Variants in DST observed in about 807,000 individuals in gnomAD.
DST encodes the protein dystonin, also known as bullous pemphigoid antigen.
DST carries 253 observed loss-of-function variants against 875.2 expected under a neutral mutation model. The observed-to-expected ratio is 0.29, with a 90% CI of 0.26 to 0.32. The LOEUF is 0.32. Among genes scored for constraint, DST ranks in the 10% least tolerant of loss-of-function variants. DST has a pLI of 1.00. For missense variants in DST, 8,287 were observed against 9,111.6 expected (o/e 0.91, Z 3.68); for synonymous variants, 3,124 against 3,197.1 (o/e 0.98, Z 0.77).
chr6:56,605,032 G>A lies in DST; in HGVS notation c.9596C>T (p.Pro3199Leu). Reference protein sequence around the residue: ...KNIKAKDVAKPNEDVPSHVLI... With the variant: ...KNIKAKDVAKLNEDVPSHVLI... Reference sequence around the variant, plus strand: ...AACATGGCTTGGGACATCTTCATTTGGTTTGGCTACATCTTTTGCTTTTAT... The same window carrying A: ...AACATGGCTTGGGACATCTTCATTTAGTTTGGCTACATCTTTTGCTTTTAT... Residue 3199 changes from proline to leucine, a missense_variant, in exon 40 of 104, where the codon CCA becomes CTA. By Grantham distance (98) the Pro-to-Leu change is moderately conservative. Around this residue, in one of 10 missense-constraint regions of DST, gnomAD observed 3,138 missense variants for 3,116.6 expected, o/e 1.01. Transcript: ENST00000680361. 6.2e-7 allele frequency: 1 copy of A among 1,612,696 alleles called. No individual in the cohort carries two copies. Among genetic ancestry groups the A allele is most frequent in the Non-Finnish European group, 8.5e-7 (1 of 1,179,256 alleles).
At chr6:56,936,729 G>C (rs1813195774) in intron 2 of DST, among the ~76,000 whole-genome samples, 1 of 151,772 alleles carries the variant, frequency 6.6e-6, no homozygotes, top group Admixed American at 6.6e-5. Context: ...AAACAAAAAG[G>C]GAATCCGAAA....
intron 4 of DST, among the ~76,000 whole-genome samples, chr6:56,787,894 T>G (rs1247782082): frequency 6.6e-6 from 1 of 151,986 alleles, no homozygotes; most frequent in Non-Finnish European, 1.5e-5. Context: ...ATCCCAGCAC[T>G]TTGGGAGGCC....
rs1351646087 is a variant in DST, at chr6:56,640,583, T to C, written c.2050A>G (p.Ile684Val). Residue 684 changes from isoleucine to valine, a missense_variant, in exon 18 of 104, where the codon ATT (isoleucine) becomes GTT (valine). Ile to Val is a conservative substitution (Grantham distance 29). This residue lies in a region of DST where 1,160 missense variants were observed against 1,424.3 expected (regional missense o/e 0.81). Coordinates refer to ENST00000680361, the MANE Select transcript of DST (RefSeq NM_001374736.1). Reference protein sequence around the residue: ...VQRVAKLRDEIMALRNECSSV... With the variant: ...VQRVAKLRDEVMALRNECSSV... Reference sequence around the variant, plus strand: ...GAACATTCGTTCCTTAAGGCCATAATTTCGTCACGCAGTTTTGCAACCCTG... The same window carrying C: ...GAACATTCGTTCCTTAAGGCCATAACTTCGTCACGCAGTTTTGCAACCCTG... The C allele has an allele frequency of 3.1e-6, 5 of 1,614,052 alleles. No homozygotes were observed. The African/African-American group carries it at 5.3e-5, about 17-fold the overall frequency.
intron 3 of DST, among the ~76,000 whole-genome samples, chr6:56,893,562 C>CTTTT (rs1282483681): frequency 4.5e-4 from 16 of 35,902 alleles, no homozygotes; most frequent in Non-Finnish European, 5.6e-4. Flanking sequence ...ACTTTTAGTT[C>CTTTT]TTTTTTTTTT....
At chr6:56,931,755 T>C (rs1160135631) in intron 2 of DST, among the ~76,000 whole-genome samples, 1 of 152,232 alleles carries the variant, frequency 6.6e-6, no homozygotes, top group African/African-American at 2.4e-5. Context: ...TGGACTTGCA[T>C]GGGCCTTTGT....
chr6:56,633,139 A>G, intron 27 of DST, 102 bp from the exon 28 acceptor site: 1 of 875,368 alleles, frequency 1.1e-6, no homozygotes, highest in Non-Finnish European at 1.9e-6. Context: ...CTAAACGAAT[A>G]ATCATAAATA....
At chr6:56,928,053 A>G (rs1207047430) in intron 2 of DST, among the ~76,000 whole-genome samples, 1 of 152,168 alleles carries the variant, frequency 6.6e-6, no homozygotes, top group Non-Finnish European at 1.5e-5. Context: ...TTAGGAGCTC[A>G]GAGGAGGGAA....
intron 6 of DST, 125 bp from the exon 7 acceptor site, chr6:56,703,871 CAAAAA>C (rs35794687): frequency 0.027 from 3,259 of 122,464 alleles, 101 homozygotes; most frequent in African/African-American, 0.086. Context: ...TAATGTTCAC[CAAAAA>C]AAAAAAAAAA....
At chr6:56,720,546 G>C (rs1047147857) in intron 5 of DST, among the ~76,000 whole-genome samples, 1 of 151,798 alleles carries the variant, frequency 6.6e-6, no homozygotes, top group African/African-American at 2.4e-5. Context: ...ATTAGGGAGT[G>C]GTGATGACTC....
At chr6:56,911,824 T>C (rs1454290335) in intron 2 of DST, among the ~76,000 whole-genome samples, 2 of 152,150 alleles carry the variant, frequency 1.3e-5, no homozygotes, top group Non-Finnish European at 2.9e-5. Context: ...AATGTTAGAT[T>C]AGCCCAAGCA....
intron 46 of DST, 39 bp from the exon 47 acceptor site, chr6:56,598,045 G>A: frequency 6.6e-7 from 1 of 1,520,496 alleles, no homozygotes. Flanking sequence ...TCAGAACGTG[G>A]GCCAAGGCAT....
intron 5 of DST, among the ~76,000 whole-genome samples, chr6:56,719,300 A>C (rs1386717127): frequency 6.6e-6 from 1 of 152,262 alleles, no homozygotes; most frequent in African/African-American, 2.4e-5. Flanking sequence ...TTATCAATAA[A>C]TAAGTTAAAG....
intron 4 of DST, among the ~76,000 whole-genome samples, chr6:56,765,547 A>G (rs1468745195): frequency 6.6e-6 from 1 of 152,232 alleles, no homozygotes; most frequent in Non-Finnish European, 1.5e-5. Flanking sequence ...AAATAAACGT[A>G]CAGTGCAGAG....
At chr6:56,802,426 T>C (rs1397538811) in intron 4 of DST, among the ~76,000 whole-genome samples, 2 of 152,150 alleles carry the variant, frequency 1.3e-5, no homozygotes, top group Non-Finnish European at 2.9e-5. Flanking sequence ...AAGATTTTAA[T>C]AAATATTTTT....
At chr6:56,879,276 G>A (rs1020961994) in intron 3 of DST, among the ~76,000 whole-genome samples, 2 of 152,056 alleles carry the variant, frequency 1.3e-5, no homozygotes, top group Non-Finnish European at 2.9e-5. Flanking sequence ...AGACCATCCT[G>A]GCTAACACGG....
Position 56,473,812 on chromosome 6 carries a change from A to T in DST, c.21994+61T>A, listed in dbSNP as rs2152402976. The T allele has an allele frequency of 2.6e-6, 4 of 1,518,798 alleles. No homozygotes were observed. In the East Asian group the frequency reaches 9.5e-5, roughly 36 times the overall value. 94.1% of individuals were successfully genotyped at this position (1,518,798 alleles called of 1,614,324 possible). On this transcript the variant is annotated intron_variant, in intron 93 of 103. Transcript: ENST00000680361. Reference sequence around the variant, plus strand: ...TTGCCCCCAAATTTCAAATAATTCAAAATAAAAGAAAATTAGCTCCCTTAT... The same window carrying T: ...TTGCCCCCAAATTTCAAATAATTCATAATAAAAGAAAATTAGCTCCCTTAT...
intron 5 of DST, among the ~76,000 whole-genome samples, chr6:56,732,299 G>A (rs182702224): frequency 2.1e-3 from 326 of 152,172 alleles, no homozygotes; most frequent in Non-Finnish European, 3.5e-3. Flanking sequence ...ACAGCCATTT[G>A]GTTGAAAAGG....
Position 56,604,109 on chromosome 6 carries a change from G to A in DST, c.10519C>T (p.His3507Tyr), listed in dbSNP as rs1461592529. The A allele has an allele frequency of 1.3e-6, 2 of 1,577,476 alleles. No homozygotes were observed. Among genetic ancestry groups the A allele is most frequent in the Non-Finnish European group, 1.7e-6 (2 of 1,159,402 alleles). ...GCTTTTTGATTAAAGTCTCCAACATGTTCTATTTTCTCTGAATATCCATCA... is the reference window on the plus strand; with the variant it reads ...GCTTTTTGATTAAAGTCTCCAACATATTCTATTTTCTCTGAATATCCATCA... ...LADGYSEKIE[H>Y]VGDFNQKACS... Residue 3507 changes from histidine to tyrosine, a missense_variant, in exon 40 of 104, where the codon CAT becomes TAT. Around this residue, in one of 10 missense-constraint regions of DST, gnomAD observed 3,138 missense variants for 3,116.6 expected, o/e 1.01. Transcript: ENST00000680361.
intron 3 of DST, among the ~76,000 whole-genome samples, chr6:56,869,990 AT>A (rs796205326): frequency 1.7e-4 from 25 of 147,924 alleles, no homozygotes; most frequent in East Asian, 3.9e-4. Context: ...CCCAGCTGAG[AT>A]TTTTTTTTTT....
Sources: gnomAD v4.1 joint callset for allele counts (sites outside exome capture counted in the v4.1 genomes callset) on GRCh38, gnomAD v4.1.1 for gene constraint, gnomAD v4.1.1 regional missense constraint, MANE v1.5 for transcripts, NCBI Gene and HGNC (gene_info 2026-07-23, HGNC 2026-07-21) for gene names.